AFAP1: variants seen among roughly 807,000 people sequenced by gnomAD.
AFAP1 encodes the protein actin filament-associated protein 1.
Under a neutral mutation model 93.9 loss-of-function variants are expected in AFAP1, and 75 were observed. The observed-to-expected ratio is 0.80, with a 90% confidence interval of 0.66 to 0.97. The LOEUF (loss-of-function observed/expected upper bound fraction) is 0.97, where lower values mean the gene tolerates loss of function less well. Ranked by LOEUF, AFAP1 falls within the 50% of genes least tolerant of loss-of-function variation. The pLI, the probability that AFAP1 is intolerant of heterozygous loss-of-function variation, is 0.00. For synonymous variants in AFAP1, 517 were observed against 430.7 expected (o/e 1.20, Z -2.48); for missense variants, 1,201 against 1,050.8 (o/e 1.14, Z -1.98).
rs2240053 is a variant in AFAP1 at position 7,763,768 on chromosome 4, G to T, written c.2442C>A (p.Thr814=). ...GCTGGAGTGGTGCTGCTGTCCCCTA[G>T]GTCCCGTTCTTCAATTCCCATTCCT... The part of the protein sequence containing the change: ...KAKEWELKNG[T] The change falls in exon 18 of 18, where the codon ACC becomes ACA. Residue 814 remains threonine (T), a synonymous_variant. Transcript: ENST00000420658. 0.11 allele frequency: 170,256 copies of T among 1,551,068 alleles called. 13,391 individuals are homozygous for T. Among genetic ancestry groups the T allele is most frequent in the East Asian group, 0.42 (17,192 of 40,878 alleles).
chr4:7,825,626 C>T (rs1442294890), intron 6 of AFAP1, among the ~76,000 whole-genome samples: 2 of 151,536 alleles, frequency 1.3e-5, no homozygotes, highest in Non-Finnish European at 2.9e-5. Context: ...TCAATGCATG[C>T]ATAAGGAAAA....
rs200772562 is a variant in AFAP1, at chr4:7,773,044, C to T, written c.2063-34G>A. The T allele has an allele frequency of 1.6e-5, 25 of 1,591,266 alleles. No individual in the cohort carries two copies. In the East Asian group the frequency reaches 5.4e-4, roughly 34 times the overall value. On this transcript the variant is annotated intron_variant, in intron 15 of 17. Coordinates refer to ENST00000420658, the MANE Select transcript of AFAP1 (RefSeq NM_001134647.2). ...CCCAGAAACGCCGTTACTCCCGCGG[C>T]AGGCACAGGTTCTCCAAACAACAGA...
chr4:7,768,795 TA>T, intron 17 of AFAP1, 48 bp downstream of exon 17: 1 of 1,492,846 alleles, frequency 6.7e-7, no homozygotes, highest in Non-Finnish European at 9.0e-7. Context: ...GCTGGGAGCT[TA>T]AAGTGCCTGC....
intron 13 of AFAP1, 54 bp downstream of exon 13, chr4:7,781,322 G>A: frequency 2.0e-6 from 3 of 1,534,468 alleles, no homozygotes; most frequent in South Asian, 1.2e-5. Context: ...AAACTCTGTT[G>A]GAGCAATGTG....
chr4:7,906,583 A>G (rs1719416420), intron 1 of AFAP1, among the ~76,000 whole-genome samples: 1 of 152,152 alleles, frequency 6.6e-6, no homozygotes, highest in Non-Finnish European at 1.5e-5. Flanking sequence ...AGTGCTCATT[A>G]AGTTCTCCAA....
chr4:7,797,648 G>C (rs1479464386), intron 10 of AFAP1, among the ~76,000 whole-genome samples: 2 of 152,172 alleles, frequency 1.3e-5, no homozygotes, highest in Admixed American at 6.5e-5. Flanking sequence ...ACAGGCTGGG[G>C]TTTCCTTGAG....
chr4:7,818,979 A>C, intron 7 of AFAP1, 97 bp downstream of exon 7: 24 of 1,135,722 alleles, frequency 2.1e-5, no homozygotes, highest in African/African-American at 3.1e-5. Flanking sequence ...TTTTAACTGG[A>C]AGCGCTGAAA....
intron 1 of AFAP1, among the ~76,000 whole-genome samples, chr4:7,907,581 C>G (rs559928247): frequency 1.3e-5 from 2 of 152,286 alleles, no homozygotes; most frequent in Admixed American, 1.3e-4. Context: ...ACCCAGCACC[C>G]ATACAGGACC....
chr4:7,761,601 C>T lies in AFAP1; in HGVS notation c.*2164G>A, dbSNP rs914930968. ...CCGTGACTTCAGGCTGGCCATCTCCCCCTTCTCTTACTAACCACCAAAACC... is the reference window on the plus strand; with the variant it reads ...CCGTGACTTCAGGCTGGCCATCTCCTCCTTCTCTTACTAACCACCAAAACC... On this transcript the variant is annotated 3_prime_UTR_variant, in exon 18 of 18. Coordinates refer to ENST00000420658, the MANE Select transcript of AFAP1 (RefSeq NM_001134647.2). The T allele has an allele frequency of 6.6e-6, 1 of 152,328 alleles. No individual in the cohort carries two copies. The highest frequency in any genetic ancestry group is 6.5e-5 in the Admixed American group (1 of 15,286). The allele number at this position is 152,328 out of a possible 1,614,324, so 9.4% of individuals were successfully genotyped here.
At chr4:7,836,460 T>G (rs1168651117) in intron 6 of AFAP1, among the ~76,000 whole-genome samples, 1 of 152,174 alleles carries the variant, frequency 6.6e-6, no homozygotes, top group East Asian at 1.9e-4. Flanking sequence ...CGTTCTTTGT[T>G]TTTGAGACAG....
intron 8 of AFAP1, among the ~76,000 whole-genome samples, chr4:7,812,574 G>A (rs1391702524): frequency 6.6e-6 from 1 of 152,220 alleles, no homozygotes; most frequent in South Asian, 2.1e-4. Flanking sequence ...ACAGATCACA[G>A]AACCAGGAAG....
chr4:7,922,633 G>A (rs963530415), intron 1 of AFAP1, among the ~76,000 whole-genome samples: 1 of 152,178 alleles, frequency 6.6e-6, no homozygotes, highest in South Asian at 2.1e-4. Context: ...TGCATATCAT[G>A]CCCAGATCAT....
At chr4:7,870,798 A>G (rs573049821) in intron 2 of AFAP1, among the ~76,000 whole-genome samples, 10 of 152,244 alleles carry the variant, frequency 6.6e-5, no homozygotes, top group Admixed American at 4.6e-4. Flanking sequence ...CCTTCAGCCC[A>G]TCTTCCAGAC....
At position 7,768,832 on chromosome 4, in the gene AFAP1, A is replaced by G. The variant is rs770981973; in HGVS notation, c.2418+12T>C. 3.9e-5 allele frequency: 61 copies of G among 1,576,270 alleles called. No homozygotes were observed. The South Asian group carries it at 6.4e-4, about 16-fold the overall frequency. On this transcript the variant is annotated intron_variant, in intron 17 of 17. Transcript: ENST00000420658. ...CCAGGACACCCAGACACCCCCGGAC[A>G]TCAGGGCTTACCTTGGCCTTCCGCA...
At chr4:7,854,906 A>T (rs1170948185) in intron 4 of AFAP1, among the ~76,000 whole-genome samples, 2 of 152,224 alleles carry the variant, frequency 1.3e-5, no homozygotes, top group East Asian at 3.8e-4. Context: ...GGGTAGTAAC[A>T]AACAGGTACT....
intron 12 of AFAP1, among the ~76,000 whole-genome samples, chr4:7,785,874 C>G (rs1026576149): frequency 6.6e-6 from 1 of 152,088 alleles, no homozygotes; most frequent in Non-Finnish European, 1.5e-5. Context: ...GGAGGTTGAG[C>G]TATAGTGAGT....
intron 1 of AFAP1, among the ~76,000 whole-genome samples, chr4:7,913,511 A>G (rs773454744): frequency 6.6e-6 from 1 of 152,200 alleles, no homozygotes; most frequent in African/African-American, 2.4e-5. Flanking sequence ...AGTTTGAAAA[A>G]CATATAACTC....
At chr4:7,801,921 A>AAAAAAAAAAC (rs1560167789) in intron 9 of AFAP1, among the ~76,000 whole-genome samples, 2 of 148,238 alleles carry the variant, frequency 1.3e-5, no homozygotes, top group Non-Finnish European at 3.0e-5. Context: ...TCACAAAAAA[A>AAAAAAAAAAC]AAAAAAAAAA....
chr4:7,864,386 C>G (rs1716172217), intron 3 of AFAP1, among the ~76,000 whole-genome samples: 1 of 152,224 alleles, frequency 6.6e-6, no homozygotes, highest in Non-Finnish European at 1.5e-5. Flanking sequence ...TCTTGAAAGT[C>G]AATTCATCAA....
Sources: allele counts gnomAD v4.1 joint callset (sites outside exome capture counted in the v4.1 genomes callset), GRCh38; gene constraint gnomAD v4.1.1; transcripts MANE v1.5; gene names NCBI Gene and HGNC (gene_info 2026-07-23, HGNC 2026-07-21).